Variants in NT5C2 observed in about 807,000 individuals in gnomAD.
NT5C2 encodes cytosolic purine 5'-nucleotidase.
Under a neutral mutation model 76.1 loss-of-function variants are expected in NT5C2, and 58 were observed. The ratio of observed to expected loss-of-function variants is 0.76; its 90% CI spans 0.62 to 0.95. The LOEUF (loss-of-function observed/expected upper bound fraction) is 0.95. Ranked by LOEUF, NT5C2 falls within the 40% of genes least tolerant of loss-of-function variation. The pLI, the probability that NT5C2 is intolerant of heterozygous loss-of-function variation, is 0.00. For synonymous variants in NT5C2, 229 were observed against 237.4 expected (o/e 0.96, Z 0.32); for missense variants, 478 against 690.3 (o/e 0.69, Z 3.45).
chr10:103,182,412 G>A (rs543951601), intron 1 of NT5C2, among the ~76,000 whole-genome samples: 2 of 152,140 alleles, frequency 1.3e-5, no homozygotes, highest in South Asian at 4.2e-4. Context: ...CGAGGCGGGT[G>A]GATCATCTGA....
chr10:103,148,913 CAA>C (rs911596069), intron 3 of NT5C2, among the ~76,000 whole-genome samples: 1 of 151,850 alleles, frequency 6.6e-6, no homozygotes, highest in African/African-American at 2.4e-5. Flanking sequence ...GGAGATTCCA[CAA>C]AAAGTTAGGA....
intron 3 of NT5C2, among the ~76,000 whole-genome samples, chr10:103,170,507 A>T (rs2134532585): frequency 6.6e-6 from 1 of 150,892 alleles, no homozygotes; most frequent in South Asian, 2.1e-4. Context: ...ACACACACAC[A>T]AGCACACACA....
At chr10:103,128,549 C>CCT (rs2077179388) in intron 4 of NT5C2, among the ~76,000 whole-genome samples, 1 of 90,486 alleles carries the variant, frequency 1.1e-5, no homozygotes, top group Admixed American at 1.1e-4. Flanking sequence ...GTGAGGAGCC[C>CCT]CTCTGCCTGG....
chr10:103,162,060 G>C (rs1357788282), intron 3 of NT5C2, among the ~76,000 whole-genome samples: 1 of 152,152 alleles, frequency 6.6e-6, no homozygotes, highest in Non-Finnish European at 1.5e-5. Context: ...TCTGTTGCCA[G>C]GCTGGAGTGC....
At chr10:103,106,239 G>A (rs1309565709) in intron 5 of NT5C2, among the ~76,000 whole-genome samples, 1 of 152,080 alleles carries the variant, frequency 6.6e-6, no homozygotes, top group Non-Finnish European at 1.5e-5. Flanking sequence ...AAACTGCCAA[G>A]CTTCTATCAT....
intron 2 of NT5C2, chr10:103,175,565 G>A (rs1430267812): frequency 2.5e-5 from 5 of 200,462 alleles, no homozygotes; most frequent in Admixed American, 2.4e-4. Context: ...TAGGCAGCCA[G>A]AGCTCCAAGG....
Position 103,095,923 on chromosome 10 carries a change from G to C in NT5C2, c.813+16C>G. The C allele has an allele frequency of 6.2e-7, 1 of 1,603,432 alleles. No individual in the cohort carries two copies. The highest frequency in any genetic ancestry group is 1.1e-5 in the South Asian group (1 of 90,732). Reference sequence around the variant, plus strand: ...ATTGTTATTAAAGCAGTGGTCTATTGAGTCACATACGGTACCTTGGGGCCA... The same window carrying C: ...ATTGTTATTAAAGCAGTGGTCTATTCAGTCACATACGGTACCTTGGGGCCA... On this transcript the variant is annotated intron_variant, in intron 12 of 18. Coordinates refer to ENST00000404739, the MANE Select transcript of NT5C2 (RefSeq NM_001351169.2).
chr10:103,113,583 C>T (rs1258395768), intron 4 of NT5C2, among the ~76,000 whole-genome samples: 1 of 152,060 alleles, frequency 6.6e-6, no homozygotes, highest in Middle Eastern at 3.4e-3. Flanking sequence ...TGGATACCTA[C>T]AGTGTACCAG....
intron 8 of NT5C2, chr10:103,100,605 T>C: frequency 4.4e-6 from 2 of 454,178 alleles, no homozygotes; most frequent in Non-Finnish European, 8.8e-6. Flanking sequence ...TCTGATAAGA[T>C]ACACAGTATT....
intron 3 of NT5C2, among the ~76,000 whole-genome samples, chr10:103,142,318 A>C (rs2080594802): frequency 6.6e-6 from 1 of 152,188 alleles, no homozygotes; most frequent in African/African-American, 2.4e-5. Flanking sequence ...CATAGGAAAA[A>C]CTGAACATAT....
At chr10:103,127,500 G>A (rs1016481797) in intron 4 of NT5C2, among the ~76,000 whole-genome samples, 1 of 152,194 alleles carries the variant, frequency 6.6e-6, no homozygotes, top group Non-Finnish European at 1.5e-5. Flanking sequence ...GCTCCCATCA[G>A]AATGGATTAT....
intron 4 of NT5C2, among the ~76,000 whole-genome samples, chr10:103,129,314 C>A: frequency 8.2e-6 from 1 of 122,324 alleles, no homozygotes. Flanking sequence ...GGTCAGCCCC[C>A]CGCCCGGCCA....
At chr10:103,138,442 C>T (rs1262787498) in intron 4 of NT5C2, among the ~76,000 whole-genome samples, 1 of 152,040 alleles carries the variant, frequency 6.6e-6, no homozygotes, top group Non-Finnish European at 1.5e-5. Context: ...CCTCTCACCC[C>T]CCGACAAGCC....
intron 3 of NT5C2, among the ~76,000 whole-genome samples, chr10:103,166,705 T>TGC (rs2134331169): frequency 6.6e-6 from 1 of 152,240 alleles, no homozygotes; most frequent in South Asian, 2.1e-4. Flanking sequence ...CAGGCTGGAG[T>TGC]GCAATGGCGC....
chr10:103,163,433 C>A (rs1040289088), intron 3 of NT5C2, among the ~76,000 whole-genome samples: 1 of 152,136 alleles, frequency 6.6e-6, no homozygotes, highest in Non-Finnish European at 1.5e-5. Context: ...ACATCCTTGG[C>A]AACACTTGAT....
chr10:103,097,637 A>T (rs561264968), intron 10 of NT5C2, among the ~76,000 whole-genome samples: 3 of 152,248 alleles, frequency 2.0e-5, no homozygotes, highest in African/African-American at 7.2e-5. Flanking sequence ...TGTTAACAAC[A>T]TATCTCTACC....
intron 2 of NT5C2, chr10:103,175,575 G>A (rs2089675632): frequency 9.8e-6 from 2 of 204,690 alleles, no homozygotes; most frequent in South Asian, 1.0e-4. Context: ...GAGCTCCAAG[G>A]CTCCTCGGAA....
At chr10:103,129,813 C>T (rs2077684174) in intron 4 of NT5C2, among the ~76,000 whole-genome samples, 3 of 105,172 alleles carry the variant, frequency 2.9e-5, no homozygotes, top group Non-Finnish European at 6.1e-5. Flanking sequence ...GCGCCTCTGC[C>T]CGGCCGCCCC....
At chr10:103,138,190 G>C (rs2079654923) in intron 4 of NT5C2, among the ~76,000 whole-genome samples, 1 of 152,204 alleles carries the variant, frequency 6.6e-6, no homozygotes, top group Non-Finnish European at 1.5e-5. Flanking sequence ...AACTGCAGCT[G>C]ACCATTGGGA....
Sources: allele counts gnomAD v4.1 joint callset (sites outside exome capture counted in the v4.1 genomes callset), GRCh38; gene constraint gnomAD v4.1.1; transcripts MANE v1.5; gene names NCBI Gene and HGNC (gene_info 2026-07-23, HGNC 2026-07-21).